GRIA1: variants seen among roughly 807,000 people sequenced by gnomAD.
The protein encoded by GRIA1 is glutamate ionotropic receptor AMPA type subunit 1.
A neutral mutation model predicts 99.2 loss-of-function variants in GRIA1; 31 were observed. The observed-to-expected ratio is 0.31, with a 90% CI of 0.23 to 0.42. The LOEUF (loss-of-function observed/expected upper bound fraction) is 0.42. Ranked by LOEUF, GRIA1 falls within the 10% of genes least tolerant of loss-of-function variation. The probability of loss-of-function intolerance (pLI) is 1.00; values close to 1 mark genes in which losing one functional copy is unlikely to be tolerated. For missense variants in GRIA1, 782 were observed against 1,157.5 expected, an observed-to-expected ratio of 0.68 and a Z score of 4.71; for synonymous variants, 438 against 432.4, an observed-to-expected ratio of 1.01 and a Z score of -0.16.
intron 2 of GRIA1, among the ~76,000 whole-genome samples, chr5:153,575,642 C>T (rs918744656): frequency 6.6e-6 from 1 of 152,268 alleles, no homozygotes; most frequent in Non-Finnish European, 1.5e-5. Flanking sequence ...AACTGGGACT[C>T]GAAGTCACAG....
intron 13 of GRIA1, among the ~76,000 whole-genome samples, chr5:153,775,183 A>G (rs1265955248): frequency 2.0e-5 from 3 of 152,210 alleles, no homozygotes; most frequent in Non-Finnish European, 4.4e-5. Flanking sequence ...ATTATGATGA[A>G]TACTTCCTTT....
chr5:153,677,191 T>C, intron 7 of GRIA1, 30 bp downstream of exon 7: 1 of 1,392,210 alleles, frequency 7.2e-7, no homozygotes, highest in South Asian at 1.9e-5. Context: ...CCCCATCTCA[T>C]AGGAGCCTAC....
chr5:153,583,409 T>G (rs1763214743), intron 2 of GRIA1, among the ~76,000 whole-genome samples: 4 of 152,152 alleles, frequency 2.6e-5, no homozygotes, highest in Admixed American at 2.0e-4. Context: ...GTGAGAATCC[T>G]TCCTTGACTC....
intron 2 of GRIA1, among the ~76,000 whole-genome samples, chr5:153,537,595 G>T (rs1457177523): frequency 6.6e-6 from 1 of 152,100 alleles, no homozygotes; most frequent in Non-Finnish European, 1.5e-5. Context: ...TGTGTTTTAG[G>T]TCCATAGCAA....
chr5:153,723,190 C>A (rs1760206017), intron 11 of GRIA1, among the ~76,000 whole-genome samples: 1 of 152,190 alleles, frequency 6.6e-6, no homozygotes, highest in South Asian at 2.1e-4. Flanking sequence ...GACCCATAGT[C>A]TCAACTCAAT....
At chr5:153,542,633 A>G (rs1352310500) in intron 2 of GRIA1, among the ~76,000 whole-genome samples, 1 of 152,248 alleles carries the variant, frequency 6.6e-6, no homozygotes, top group African/African-American at 2.4e-5. Context: ...CAGCAGATAT[A>G]CAGTGGAGTG....
At chr5:153,498,794 T>C (rs1490175897) in intron 2 of GRIA1, among the ~76,000 whole-genome samples, 1 of 152,180 alleles carries the variant, frequency 6.6e-6, no homozygotes, top group Non-Finnish European at 1.5e-5. Context: ...ACTTCTATTT[T>C]CTAGAGCTGA....
chr5:153,703,709 A>G (rs9687223), intron 10 of GRIA1, among the ~76,000 whole-genome samples: 74,041 of 152,060 alleles, frequency 0.49, 18,062 homozygotes, highest in South Asian at 0.54. Context: ...CTGCACTCCA[A>G]CCTGGGGAAC....
chr5:153,534,040 G>A (rs1225313091), intron 2 of GRIA1, among the ~76,000 whole-genome samples: 2 of 152,246 alleles, frequency 1.3e-5, no homozygotes, highest in East Asian at 3.8e-4. Context: ...TTCGGCACTT[G>A]ATTTGTGGCA....
intron 2 of GRIA1, among the ~76,000 whole-genome samples, chr5:153,542,888 G>T (rs1465234358): frequency 6.6e-6 from 1 of 151,990 alleles, no homozygotes; most frequent in Non-Finnish European, 1.5e-5. Flanking sequence ...ACTAAATTAT[G>T]TGAGTAAAGT....
At chr5:153,567,375 C>T (rs1181259529) in intron 2 of GRIA1, among the ~76,000 whole-genome samples, 1 of 152,060 alleles carries the variant, frequency 6.6e-6, no homozygotes, top group South Asian at 2.1e-4. Flanking sequence ...TTTTATGAGG[C>T]GTGTGTCCAG....
At chr5:153,628,688 T>A (rs1008174784) in intron 2 of GRIA1, among the ~76,000 whole-genome samples, 5 of 152,264 alleles carry the variant, frequency 3.3e-5, no homozygotes, top group African/African-American at 9.6e-5. Context: ...TATGAGCATC[T>A]TTGCCTATTC....
intron 14 of GRIA1, among the ~76,000 whole-genome samples, chr5:153,797,304 C>A (rs1581673144): frequency 6.6e-6 from 1 of 152,206 alleles, no homozygotes; most frequent in East Asian, 1.9e-4. Context: ...GTCCGACATA[C>A]AACAGTTATC....
intron 13 of GRIA1, among the ~76,000 whole-genome samples, chr5:153,777,733 A>C (rs569243579): frequency 2.6e-5 from 4 of 152,280 alleles, no homozygotes; most frequent in African/African-American, 9.6e-5. Context: ...ATCTCTGAGA[A>C]CAATTTGTGG....
At chr5:153,714,069 CA>C (rs1759501678) in intron 11 of GRIA1, among the ~76,000 whole-genome samples, 1 of 152,142 alleles carries the variant, frequency 6.6e-6, no homozygotes, top group Admixed American at 6.5e-5. Context: ...GGGACATAGC[CA>C]AAATCACACA....
chr5:153,588,186 C>T (rs1323333067), intron 2 of GRIA1, among the ~76,000 whole-genome samples: 2 of 152,152 alleles, frequency 1.3e-5, no homozygotes, highest in Admixed American at 6.5e-5. Context: ...TGAATAAATA[C>T]GGCAGTGTTA....
intron 2 of GRIA1, among the ~76,000 whole-genome samples, chr5:153,554,954 T>G (rs1175080615): frequency 1.3e-5 from 2 of 152,126 alleles, no homozygotes; most frequent in African/African-American, 2.4e-5. Flanking sequence ...TGAAACTAGT[T>G]AAAACCAGGG....
intron 14 of GRIA1, chr5:153,795,696 C>T (rs1765600497): frequency 1.6e-6 from 1 of 626,464 alleles, no homozygotes; most frequent in Admixed American, 2.9e-5. Flanking sequence ...GAGAGCTGGG[C>T]CCCAGCAGGG....
chr5:153,691,041 C>A (rs756139498), intron 8 of GRIA1, among the ~76,000 whole-genome samples: 31 of 152,194 alleles, frequency 2.0e-4, no homozygotes, highest in Admixed American at 1.3e-4. Flanking sequence ...GATCTTCAGG[C>A]CTATTTCCTG....
Sources: allele counts gnomAD v4.1 joint callset (sites outside exome capture counted in the v4.1 genomes callset), GRCh38; gene constraint gnomAD v4.1.1; transcripts MANE v1.5; gene names NCBI Gene and HGNC (gene_info 2026-07-23, HGNC 2026-07-21).